The following RBFOX1 variants were observed in gnomAD, a reference collection of about 807,000 sequenced individuals.
RBFOX1 encodes RNA binding fox-1 homolog 1, also known as RNA binding protein fox-1 homolog 1.
Under a neutral mutation model 57.7 loss-of-function variants are expected in RBFOX1, and 8 were observed. The ratio of observed to expected loss-of-function variants is 0.14; its 90% CI spans 0.08 to 0.25. The LOEUF is 0.25. Ranked by LOEUF, RBFOX1 falls within the 10% of genes least tolerant of loss-of-function variation. RBFOX1 has a pLI of 1.00. For synonymous variants in RBFOX1, 326 were observed against 222.4 expected, an observed-to-expected ratio of 1.47 and a Z score of -4.15; for missense variants, 611 against 548.5, an observed-to-expected ratio of 1.11 and a Z score of -1.14.
intron 1 of RBFOX1, chr16:5,261,057 T>A (rs2151098674): frequency 6.6e-6 from 1 of 152,330 alleles, no homozygotes; most frequent in East Asian, 1.9e-4. Flanking sequence ...TGGTGGCTGA[T>A]CCTCAGGTAG....
chr16:6,251,658 C>T (rs1336857263), intron 1 of RBFOX1, among the ~76,000 whole-genome samples: 1 of 152,048 alleles, frequency 6.6e-6, no homozygotes, highest in African/African-American at 2.4e-5. Context: ...CTGCTCGAAG[C>T]ACAGAGTTTG....
chr16:6,483,960 C>A, intron 2 of RBFOX1: 1 of 1,042,060 alleles, frequency 9.6e-7, no homozygotes, highest in Non-Finnish European at 1.2e-6. Context: ...AGACTGTGCT[C>A]AGGGCTCGCC....
intron 4 of RBFOX1, among the ~76,000 whole-genome samples, chr16:7,128,131 T>G (rs1209864680): frequency 3.3e-5 from 5 of 152,120 alleles, no homozygotes; most frequent in African/African-American, 1.2e-4. Flanking sequence ...ACAGCCCTGG[T>G]GAAAAGCAAA....
intron 3 of RBFOX1, among the ~76,000 whole-genome samples, chr16:5,709,907 C>T (rs1480179225): frequency 2.4e-5 from 3 of 123,688 alleles, no homozygotes; most frequent in Admixed American, 9.1e-5. Context: ...ACAACGGCCC[C>T]GTGAATTATG....
intron 3 of RBFOX1, among the ~76,000 whole-genome samples, chr16:5,772,778 G>C (rs560415630): frequency 1.3e-5 from 2 of 152,274 alleles, no homozygotes; most frequent in South Asian, 4.1e-4. Context: ...GATTGGCAGA[G>C]ACATGCAACA....
rs540053539 is a variant in RBFOX1 at position 7,377,679 on chromosome 16, C to A, written c.28-140468C>A. On this transcript the variant is annotated intron_variant, in intron 4 of 15. Transcript: ENST00000550418. ...TATTTGTGTATTCATTAATTCATTC[C>A]ACATATATTTGTAGAGAACCTATCT... Among the ~76,000 whole-genome samples the A allele has an allele frequency of 1.1e-4, 16 of 152,196 alleles. No individual in the cohort carries two copies. The East Asian group carries it at 2.1e-3, about 20-fold the overall frequency.
intron 4 of RBFOX1, among the ~76,000 whole-genome samples, chr16:7,297,076 C>G (rs1009177778): frequency 1.3e-5 from 2 of 152,154 alleles, no homozygotes; most frequent in Non-Finnish European, 2.9e-5. Flanking sequence ...AGTGAGACGA[C>G]AGGAGGAGAG....
chr16:5,935,167 AT>A (rs1459838561), intron 4 of RBFOX1, among the ~76,000 whole-genome samples: 2 of 152,142 alleles, frequency 1.3e-5, no homozygotes, highest in Admixed American at 6.5e-5. Flanking sequence ...TATCTTTATA[AT>A]TTTTCCCACT....
chr16:6,500,241 C>T lies in RBFOX1; in HGVS notation c.-63-154362C>T, dbSNP rs80243494. The stretch of plus-strand genomic sequence containing the variant: ...CTATTTTTTCCTAATTGGCAAAATA[C>T]CTAGGAGCTTATTGAGGCCTTTAGC... On this transcript the variant is annotated intron_variant, in intron 2 of 15. Transcript: ENST00000550418. 9.2e-3 allele frequency among the ~76,000 whole-genome samples: 1,396 copies of T among 152,188 alleles called. 72 individuals carry two copies. The East Asian group carries it at 0.15, about 16-fold the overall frequency.
intron 4 of RBFOX1, among the ~76,000 whole-genome samples, chr16:7,511,512 T>A (rs536599983): frequency 6.6e-6 from 1 of 152,310 alleles, no homozygotes; most frequent in South Asian, 2.1e-4. Flanking sequence ...ATTGCATGCA[T>A]ACAAGAGTCA....
intron 2 of RBFOX1, among the ~76,000 whole-genome samples, chr16:6,639,094 T>G (rs1477101305): frequency 1.3e-5 from 2 of 152,214 alleles, no homozygotes; most frequent in African/African-American, 4.8e-5. Context: ...AGCAGCCATT[T>G]CTTGCAAACT....
At chr16:6,873,191 G>A (rs1292942698) in intron 3 of RBFOX1, among the ~76,000 whole-genome samples, 2 of 150,738 alleles carry the variant, frequency 1.3e-5, no homozygotes, top group African/African-American at 4.9e-5. Context: ...AGGAATAAAC[G>A]AGGAGTAGAG....
In RBFOX1 at chr16:7,665,023, T is replaced by G. The variant is rs141960598; in HGVS notation, c.930+55T>G. On this transcript the variant is annotated intron_variant, in intron 13 of 15. Transcript: ENST00000550418. ...CCGTTTCCTCCTGGAGTCATTCTTT[T>G]TACAAGTTTGCTGTGAATTTCTCTA... 1.6e-4 allele frequency: 260 copies of G among 1,613,830 alleles called. 1 individual carries two copies. In the East Asian group the frequency reaches 5.5e-3, roughly 34 times the overall value.
chr16:7,148,823 CTGA>C (rs2075559762), intron 4 of RBFOX1, among the ~76,000 whole-genome samples: 1 of 152,182 alleles, frequency 6.6e-6, no homozygotes, highest in Non-Finnish European at 1.5e-5. Context: ...CAGACAGGCT[CTGA>C]GTATGTTTGT....
intron 3 of RBFOX1, among the ~76,000 whole-genome samples, chr16:5,702,885 A>G (rs12926979): frequency 0.12 from 18,777 of 152,166 alleles, 1,612 homozygotes; most frequent in East Asian, 0.34. Context: ...TTGGTTGTGA[A>G]TATGGGGAAT....
chr16:7,575,695 G>T (rs553505197), intron 5 of RBFOX1, among the ~76,000 whole-genome samples: 1 of 152,140 alleles, frequency 6.6e-6, no homozygotes, highest in African/African-American at 2.4e-5. Context: ...GCTTTAAGCC[G>T]CCAGCTTTAT....
intron 3 of RBFOX1, among the ~76,000 whole-genome samples, chr16:6,829,295 T>C (rs768504957): frequency 6.6e-6 from 1 of 151,802 alleles, no homozygotes; most frequent in South Asian, 2.1e-4. Flanking sequence ...AGTTCTACTT[T>C]TAGGAATTTA....
rs1204871254 is a variant in RBFOX1 at position 7,265,964 on chromosome 16, GTT to G, written c.27+213891_27+213892del. ...GAGTTATGAGATCTGGTGGGTTTTT[GTT>G]TTTTTTTTTTTTTTTTTTTTTTTTC... On this transcript the variant is annotated intron_variant, in intron 4 of 15. Transcript: ENST00000550418. 1.1e-4 allele frequency among the ~76,000 whole-genome samples: 8 copies of G among 70,238 alleles called. 1 individual carries two copies. Among genetic ancestry groups the G allele is most frequent in the Admixed American group, 3.2e-4 (2 of 6,158 alleles). 46.1% of individuals were successfully genotyped at this position (70,238 alleles called of 152,430 possible).
intron 3 of RBFOX1, among the ~76,000 whole-genome samples, chr16:6,814,438 G>A (rs2089576195): frequency 6.6e-6 from 1 of 152,192 alleles, no homozygotes; most frequent in Non-Finnish European, 1.5e-5. Flanking sequence ...TTGGGTGGTA[G>A]AAGCAGGTGG....
Sources: gnomAD v4.1 joint callset for allele counts (sites outside exome capture counted in the v4.1 genomes callset) on GRCh38, gnomAD v4.1.1 for gene constraint, MANE v1.5 for transcripts, NCBI Gene and HGNC (gene_info 2026-07-23, HGNC 2026-07-21) for gene names.